The following GLMN variants were observed in gnomAD, a reference collection of about 807,000 sequenced individuals.
The protein encoded by GLMN is glomulin.
A neutral mutation model predicts 87.8 loss-of-function variants in GLMN; 75 were observed. The ratio of observed to expected loss-of-function variants is 0.85; its 90% CI spans 0.71 to 1.04. The LOEUF (loss-of-function observed/expected upper bound fraction) is 1.04. GLMN is among the 50% of genes least tolerant of loss of function. GLMN has a pLI of 0.00. For missense variants in GLMN, 588 were observed against 658.8 expected (o/e 0.89, Z 1.18); for synonymous variants, 206 against 221.6 (o/e 0.93, Z 0.63).
At chr1:92,305,450 A>AAAAAAAAAAAAG in the GLMN span, among the ~76,000 whole-genome samples, 1 of 141,852 alleles carries the variant, frequency 7.0e-6, no homozygotes, top group African/African-American at 3.0e-5. Flanking sequence ...AAAAAAAAAA[A>AAAAAAAAAAAAG]AGACAATATG....
chr1:92,323,750 G>A, the GLMN span: 2 of 1,614,146 alleles, frequency 1.2e-6, no homozygotes, highest in African/African-American at 2.7e-5. Context: ...TTAGGCGATT[G>A]CAAATTAGAT....
At chr1:92,268,854 G>A (rs1348634405) in intron 9 of GLMN, among the ~76,000 whole-genome samples, 1 of 151,322 alleles carries the variant, frequency 6.6e-6, no homozygotes, top group South Asian at 2.1e-4. Flanking sequence ...AAAGCATATA[G>A]TTCTGTGAAA....
At chr1:92,370,208 G>A in the GLMN span, among the ~76,000 whole-genome samples, 1 of 152,054 alleles carries the variant, frequency 6.6e-6, no homozygotes, top group African/African-American at 2.4e-5. Context: ...ATTTCTGTGG[G>A]GTTGGACATG....
At chr1:92,259,985 T>C (rs1654816680) in intron 16 of GLMN, among the ~76,000 whole-genome samples, 1 of 152,078 alleles carries the variant, frequency 6.6e-6, no homozygotes, top group Non-Finnish European at 1.5e-5. Flanking sequence ...ACCGCCCGCC[T>C]TGGCCTTCCA....
At chr1:92,332,603 CTGTAA>C in the GLMN span, among the ~76,000 whole-genome samples, 1 of 152,070 alleles carries the variant, frequency 6.6e-6, no homozygotes, top group African/African-American at 2.4e-5. Flanking sequence ...TTCCATGTCA[CTGTAA>C]TGTAATCAGA....
chr1:92,300,343 T>C, upstream of GLMN: 1 of 870,810 alleles, frequency 1.1e-6, no homozygotes, highest in South Asian at 1.6e-5. Context: ...TTAGAGAAAA[T>C]TATCATGAGA....
chr1:92,271,758 C>G (rs1656267431), intron 7 of GLMN, 106 bp from the exon 8 acceptor site: 1 of 783,610 alleles, frequency 1.3e-6, no homozygotes, highest in Admixed American at 2.0e-5. Context: ...GTAATCACTC[C>G]CTTTGAGCGT....
the GLMN span, among the ~76,000 whole-genome samples, chr1:92,343,171 G>A: frequency 1.7e-4 from 26 of 152,236 alleles, no homozygotes; most frequent in African/African-American, 6.3e-4. Flanking sequence ...ATGAGAGGTG[G>A]GGGAACCAGG....
At chr1:92,300,171 A>C (rs778805862), upstream of GLMN, 18 of 1,570,104 alleles carry the variant, frequency 1.1e-5, no homozygotes, top group Non-Finnish European at 1.5e-5. Context: ...ATTATGTAGC[A>C]CATGACTGTA....
the GLMN span, among the ~76,000 whole-genome samples, chr1:92,359,319 AT>A: frequency 6.6e-6 from 1 of 152,024 alleles, no homozygotes; most frequent in African/African-American, 2.4e-5. Flanking sequence ...TTTATTTTAT[AT>A]TTATTTATTT....
At chr1:92,269,200 CTTTTTT>C (rs769947623) in intron 9 of GLMN, among the ~76,000 whole-genome samples, 1 of 132,106 alleles carries the variant, frequency 7.6e-6, no homozygotes, top group Non-Finnish European at 1.6e-5. Context: ...CCGTGCCTGG[CTTTTTT>C]TTTTTTTTTT....
At chr1:92,353,729 A>T in the GLMN span, among the ~76,000 whole-genome samples, 1 of 152,162 alleles carries the variant, frequency 6.6e-6, no homozygotes, top group African/African-American at 2.4e-5. Context: ...TTTACTGAGG[A>T]TTAAGCAATA....
At chr1:92,301,500 G>T, upstream of GLMN, 1 of 1,592,466 alleles carries the variant, frequency 6.3e-7, no homozygotes, top group South Asian at 1.2e-5. Context: ...AAGCAGCTGT[G>T]AGAAAGAAGA....
At chr1:92,260,400 G>C (rs1440483261) in intron 16 of GLMN, among the ~76,000 whole-genome samples, 1 of 152,084 alleles carries the variant, frequency 6.6e-6, no homozygotes, top group East Asian at 1.9e-4. Context: ...AGGATCACTT[G>C]AGGTCAGAAG....
chr1:92,353,592 C>A, the GLMN span, among the ~76,000 whole-genome samples: 2 of 152,126 alleles, frequency 1.3e-5, no homozygotes, highest in African/African-American at 4.8e-5. Flanking sequence ...TACTGGTATT[C>A]TTTTGGATTC....
chr1:92,273,713 C>T (rs1656505305), intron 7 of GLMN, among the ~76,000 whole-genome samples: 1 of 152,056 alleles, frequency 6.6e-6, no homozygotes, highest in South Asian at 2.1e-4. Context: ...ACCTTGGCCT[C>T]CCAAAGGCCT....
the GLMN span, among the ~76,000 whole-genome samples, chr1:92,350,379 GA>G: frequency 3.3e-5 from 5 of 152,030 alleles, no homozygotes; most frequent in African/African-American, 1.2e-4. Flanking sequence ...ACTTTTTTTA[GA>G]AGAACTCATT....
intron 8 of GLMN, among the ~76,000 whole-genome samples, chr1:92,270,747 G>A (rs189696785): frequency 6.1e-4 from 93 of 152,094 alleles, no homozygotes; most frequent in Non-Finnish European, 1.0e-3. Context: ...TATAATAGAA[G>A]GATTCAACCT....
the GLMN span, among the ~76,000 whole-genome samples, chr1:92,331,925 C>A: frequency 6.6e-6 from 1 of 152,168 alleles, no homozygotes; most frequent in South Asian, 2.1e-4. Flanking sequence ...CAGTTATTTT[C>A]TTTCAGCCCA....
Sources: allele counts gnomAD v4.1 joint callset (sites outside exome capture counted in the v4.1 genomes callset), GRCh38; gene constraint gnomAD v4.1.1; transcripts MANE v1.5; gene names NCBI Gene and HGNC (gene_info 2026-07-23, HGNC 2026-07-21).